The following ABCB11 variants were observed in gnomAD, a reference collection of about 807,000 sequenced individuals.
ABCB11 encodes the protein ATP binding cassette subfamily B member 11.
Under a neutral mutation model 148.0 loss-of-function variants are expected in ABCB11, and 95 were observed. That is an observed-to-expected ratio of 0.64 (90% CI 0.54 to 0.76). ABCB11 has a LOEUF of 0.76. ABCB11 is among the 30% of genes least tolerant of loss of function. The probability of loss-of-function intolerance (pLI) is 0.00; values close to 1 mark genes in which losing one functional copy is unlikely to be tolerated. For synonymous variants in ABCB11, 591 were observed against 555.4 expected (o/e 1.06, Z -0.90); for missense variants, 1,523 against 1,617.8 (o/e 0.94, Z 1.01).
chr2:169,025,181 A>G (rs3770602), intron 1 of ABCB11, among the ~76,000 whole-genome samples: 107,718 of 152,088 alleles, frequency 0.71, 38,679 homozygotes, highest in East Asian at 0.81. Flanking sequence ...ATTTAAAAAG[A>G]TTTCTTTCCA....
chr2:168,982,032 T>C (rs1694151243), intron 10 of ABCB11, among the ~76,000 whole-genome samples: 1 of 152,132 alleles, frequency 6.6e-6, no homozygotes, highest in Non-Finnish European at 1.5e-5. Flanking sequence ...CATTCCCAAA[T>C]CATCACAGTA....
intron 1 of ABCB11, among the ~76,000 whole-genome samples, chr2:169,029,724 CTTTT>C (rs1166356679): frequency 1.2e-4 from 11 of 88,298 alleles, no homozygotes; most frequent in South Asian, 7.4e-4. Flanking sequence ...GTTCTTTCCT[CTTTT>C]TTTTTTTTTT....
chr2:168,958,814 C>T (rs952155092), intron 18 of ABCB11, among the ~76,000 whole-genome samples: 4 of 151,568 alleles, frequency 2.6e-5, no homozygotes, highest in Non-Finnish European at 4.4e-5. Context: ...CATGGACCTC[C>T]GTTGTCTTTT....
intron 9 of ABCB11, among the ~76,000 whole-genome samples, chr2:168,986,798 A>G (rs904671670): frequency 1.3e-5 from 2 of 152,114 alleles, no homozygotes; most frequent in Non-Finnish European, 2.9e-5. Flanking sequence ...GTTCACAGCC[A>G]TGAGACATGG....
At chr2:168,962,226 A>G (rs928137938) in intron 18 of ABCB11, among the ~76,000 whole-genome samples, 27 of 151,678 alleles carry the variant, frequency 1.8e-4, no homozygotes, top group South Asian at 1.7e-3. Context: ...CTTCCTTTCT[A>G]TCTCCCTTAA....
At chr2:169,008,106 A>G (rs1695076785) in intron 5 of ABCB11, among the ~76,000 whole-genome samples, 1 of 152,180 alleles carries the variant, frequency 6.6e-6, no homozygotes, top group Non-Finnish European at 1.5e-5. Flanking sequence ...GCAAATCAAA[A>G]CCACAATGAG....
At chr2:168,971,408 T>C (rs2241342) in intron 14 of ABCB11, among the ~76,000 whole-genome samples, 92,166 of 151,888 alleles carry the variant, frequency 0.61, 28,271 homozygotes, top group East Asian at 0.8. Context: ...AGATATACAA[T>C]GAATTGTTTT....
At chr2:168,951,287 AAAAATGACATTGGT>A (rs1209753777) in intron 19 of ABCB11, among the ~76,000 whole-genome samples, 1 of 151,708 alleles carries the variant, frequency 6.6e-6, no homozygotes, top group African/African-American at 2.4e-5. Context: ...TAATTCTGTG[AAAAATGACATTGGT>A]AATTTGATAG....
In ABCB11 at chr2:168,986,898, T is replaced by C. The variant is rs551817120; in HGVS notation, c.909-614A>G. Among the ~76,000 whole-genome samples, 14 of 152,322 alleles carry C rather than the reference T, an allele frequency of 9.2e-5. No homozygotes were observed. The South Asian group carries it at 2.7e-3, about 29-fold the overall frequency. On this transcript the variant is annotated intron_variant, in intron 9 of 27. Coordinates refer to ENST00000650372, the MANE Select transcript of ABCB11 (RefSeq NM_003742.4). ...TTAACAATGGGCTTTGTCTCATATA[T>C]AGCTCAGGCATTCTGAAACTGCCTT...
intron 6 of ABCB11, among the ~76,000 whole-genome samples, chr2:168,996,174 T>C (rs1362967332): frequency 6.6e-6 from 1 of 151,994 alleles, no homozygotes; most frequent in Non-Finnish European, 1.5e-5. Flanking sequence ...CTCCAAGCCC[T>C]TCCAACACTT....
chr2:168,999,176 A>G (rs1246282841), intron 5 of ABCB11, among the ~76,000 whole-genome samples: 1 of 152,082 alleles, frequency 6.6e-6, no homozygotes, highest in Admixed American at 6.6e-5. Flanking sequence ...GAGAGAGATG[A>G]CATTAGAGGA....
In ABCB11 at chr2:168,935,174, T is replaced by A. The variant is rs1216714963; in HGVS notation, c.3056+10A>T. 1 of 1,613,626 alleles carries A rather than the reference T, an allele frequency of 6.2e-7. No homozygotes were observed. On this transcript the variant is annotated intron_variant, in intron 23 of 27. Coordinates refer to ENST00000650372, the MANE Select transcript of ABCB11 (RefSeq NM_003742.4). ...TTGATCTTTTCTCACCTTGGCTAGATATTCCTCACCTGAACACATAGCTGA... is the reference window on the plus strand; with the variant it reads ...TTGATCTTTTCTCACCTTGGCTAGAAATTCCTCACCTGAACACATAGCTGA...
intron 25 of ABCB11, 83 bp downstream of exon 25, chr2:168,930,582 C>T (rs1691520235): frequency 1.7e-6 from 2 of 1,207,892 alleles, no homozygotes; most frequent in East Asian, 5.6e-5. Flanking sequence ...GTGAGTCTGG[C>T]AAAGCAAAAA....
At chr2:168,916,144 T>C (rs1418164845), downstream of ABCB11, among the ~76,000 whole-genome samples, 1 of 152,248 alleles carries the variant, frequency 6.6e-6, no homozygotes, top group Non-Finnish European at 1.5e-5. Flanking sequence ...ACTTGAGATA[T>C]GAAAAAGAAA....
intron 19 of ABCB11, among the ~76,000 whole-genome samples, chr2:168,955,055 T>C (rs536218926): frequency 2.0e-5 from 3 of 151,788 alleles, no homozygotes; most frequent in African/African-American, 7.2e-5. Flanking sequence ...TTAAAGTGTA[T>C]GTTGTATTTC....
At chr2:168,951,799 G>A (rs943581219) in intron 19 of ABCB11, among the ~76,000 whole-genome samples, 3 of 151,620 alleles carry the variant, frequency 2.0e-5, no homozygotes, top group East Asian at 2.0e-4. Flanking sequence ...AATAAGAGTG[G>A]TGAAAATTGG....
chr2:168,993,484 A>C (rs1243423898), intron 8 of ABCB11, among the ~76,000 whole-genome samples: 1 of 152,138 alleles, frequency 6.6e-6, no homozygotes, highest in African/African-American at 2.4e-5. Context: ...GTGAATGCTC[A>C]ATAAATGTAA....
chr2:168,929,319 G>A (rs1040190696), intron 25 of ABCB11, among the ~76,000 whole-genome samples: 10 of 152,122 alleles, frequency 6.6e-5, no homozygotes, highest in African/African-American at 1.4e-4. Context: ...ACAGGCAAAC[G>A]TTGCGAGTGA....
chr2:169,014,673 T>A (rs1695300464), intron 3 of ABCB11, among the ~76,000 whole-genome samples: 1 of 152,162 alleles, frequency 6.6e-6, no homozygotes, highest in African/African-American at 2.4e-5. Context: ...GTCATGACCC[T>A]CAATCTATTT....
Sources: gnomAD v4.1 joint callset for allele counts (sites outside exome capture counted in the v4.1 genomes callset) on GRCh38, gnomAD v4.1.1 for gene constraint, MANE v1.5 for transcripts, NCBI Gene and HGNC (gene_info 2026-07-23, HGNC 2026-07-21) for gene names.